MED1: variants seen among roughly 807,000 people sequenced by gnomAD.
MED1 encodes mediator of RNA polymerase II transcription subunit 1.
Under a neutral mutation model 121.3 loss-of-function variants are expected in MED1, and 17 were observed. That is an observed-to-expected ratio of 0.14 (90% CI 0.10 to 0.21). The LOEUF (loss-of-function observed/expected upper bound fraction) is 0.21, where lower values mean the gene tolerates loss of function less well. MED1 is among the 10% of genes least tolerant of loss of function. The pLI, the probability that MED1 is intolerant of heterozygous loss-of-function variation, is 1.00. For synonymous variants in MED1, 661 were observed against 694.4 expected (o/e 0.95, Z 0.76); for missense variants, 1,558 against 1,919.4 (o/e 0.81, Z 3.52).
At position 39,423,838 on chromosome 17, in the gene MED1, G is replaced by A. The variant is rs373257797; in HGVS notation, c.852-17C>T. 2 of 1,591,568 alleles carry A rather than the reference G, an allele frequency of 1.3e-6. No homozygotes were observed. The highest frequency in any genetic ancestry group is 2.2e-5 in the East Asian group (1 of 44,738). On this transcript the variant is annotated splice_polypyrimidine_tract_variant and intron_variant, in intron 11 of 16. Transcript: ENST00000300651. ...GAAGGGGTCCTTCAAAAAAAAGAGG[G>A]TGGAAGGGTTGGATTCTGACTTGAT...
chr17:39,439,025 T>A (rs1040827177), intron 6 of MED1, 140 bp downstream of exon 6: 12 of 713,470 alleles, frequency 1.7e-5, no homozygotes, highest in Non-Finnish European at 2.6e-5. Context: ...AGGACGTGAT[T>A]AAGTATAGAC....
intron 6 of MED1, among the ~76,000 whole-genome samples, chr17:39,436,158 C>T (rs1447999582): frequency 6.6e-6 from 1 of 151,712 alleles, no homozygotes; most frequent in African/African-American, 2.4e-5. Flanking sequence ...GTCAGGAGAT[C>T]GAAACCATCC....
intron 2 of MED1, among the ~76,000 whole-genome samples, chr17:39,445,214 ACT>A (rs768772955): frequency 4.7e-4 from 69 of 147,994 alleles, no homozygotes; most frequent in Non-Finnish European, 8.7e-4. Context: ...GTTGTTGAAA[ACT>A]CTTTTTTTTT....
intron 3 of MED1, among the ~76,000 whole-genome samples, chr17:39,442,291 T>C (rs1347434771): frequency 6.6e-6 from 1 of 151,756 alleles, no homozygotes; most frequent in African/African-American, 2.4e-5. Context: ...TAAAAATCTT[T>C]TTAGAGTTAA....
At chr17:39,438,026 C>A (rs566833878) in intron 6 of MED1, among the ~76,000 whole-genome samples, 28 of 151,700 alleles carry the variant, frequency 1.8e-4, no homozygotes, top group African/African-American at 6.5e-4. Context: ...GACTAGGTAA[C>A]AAGAACAAAA....
intron 2 of MED1, 127 bp downstream of exon 2, chr17:39,447,671 A>G (rs2048741617): frequency 8.2e-6 from 5 of 606,586 alleles, no homozygotes; most frequent in African/African-American, 3.7e-5. Flanking sequence ...ATAGACTCCT[A>G]AAGTTGAAAC....
Position 39,405,558 on chromosome 17 carries a change from A to C in MED1, c.*1917T>G. On this transcript the variant is annotated 3_prime_UTR_variant, in exon 17 of 17. Transcript: ENST00000300651. ...CTGGCTGAATGTCTGAGAGGCTGCT[A>C]CTGTATCAACATCACAAGATAAAGC... 1.5e-6 allele frequency: 2 copies of C among 1,336,014 alleles called. No homozygotes were observed. The highest frequency in any genetic ancestry group is 2.9e-5 in the African/African-American group (2 of 67,970). The allele number at this position is 1,336,014 out of a possible 1,614,324, so 82.8% of individuals were successfully genotyped here. A position where few individuals can be genotyped will look rare whatever the true frequency, so the allele number is the denominator to read the frequency against.
At chr17:39,446,276 C>G (rs1332873341) in intron 2 of MED1, among the ~76,000 whole-genome samples, 1 of 151,148 alleles carries the variant, frequency 6.6e-6, no homozygotes, top group African/African-American at 2.4e-5. Context: ...CGGTGAAACC[C>G]CGTCTCTACT....
intron 10 of MED1, 141 bp downstream of exon 10, chr17:39,427,560 C>G: frequency 1.7e-6 from 1 of 600,796 alleles, no homozygotes. Context: ...CTTGTGAACA[C>G]ACATATACGT....
At position 39,409,961 on chromosome 17, in the gene MED1, G is replaced by T; in HGVS notation, c.2260C>A (p.Gln754Lys). 1 of 1,614,148 alleles carries T rather than the reference G, an allele frequency of 6.2e-7. No individual in the cohort carries two copies. The highest frequency in any genetic ancestry group is 8.5e-7 in the Non-Finnish European group (1 of 1,180,030). The change falls in exon 17 of 17, where the codon CAA (glutamine) becomes AAA (lysine). Residue 754 changes from glutamine (Q) to lysine (K), a missense_variant. By Grantham distance (53) the Gln-to-Lys change is moderately conservative. Around this residue, in one of 5 missense-constraint regions of MED1, gnomAD observed 793 missense variants for 898.2 expected, o/e 0.88. Coordinates refer to ENST00000300651, the MANE Select transcript of MED1 (RefSeq NM_004774.4). The stretch of plus-strand genomic sequence containing the variant: ...CTGGGTTGGGGGTGAGGTACTGGTT[G>T]TGGGTAAGTTGTTGGGGGAGTGCTA... ...QCSTPPTTYP[Q>K]PVPHPQPSIQ... is the part of the protein sequence containing the mutation.
chr17:39,432,453 A>T (rs550950753), intron 7 of MED1, among the ~76,000 whole-genome samples: 16 of 151,954 alleles, frequency 1.1e-4, no homozygotes, highest in South Asian at 2.1e-4. Context: ...ATATATATAT[A>T]TTTTTAAAAA....
intron 3 of MED1, among the ~76,000 whole-genome samples, chr17:39,442,589 A>G (rs7212218): frequency 0.81 from 101,683 of 125,154 alleles, 41,425 homozygotes; most frequent in South Asian, 0.93. Context: ...AGAGTGAGAC[A>G]CCGTCTCGGA....
chr17:39,439,692 C>CT (rs1189035197), intron 5 of MED1, among the ~76,000 whole-genome samples: 1 of 152,004 alleles, frequency 6.6e-6, no homozygotes. Flanking sequence ...AATCCCAACA[C>CT]TTTGGGAGGC....
intron 3 of MED1, among the ~76,000 whole-genome samples, chr17:39,442,905 CAAAAAAAAAAAAAA>C (rs751236293): frequency 5.8e-5 from 1 of 17,358 alleles, no homozygotes; most frequent in Non-Finnish European, 1.3e-4. Flanking sequence ...AACTCCATCT[CAAAAAAAAAAAAAA>C]AAAAAAAAAA....
chr17:39,430,363 G>A (rs749704581), intron 9 of MED1, among the ~76,000 whole-genome samples: 4 of 151,282 alleles, frequency 2.6e-5, no homozygotes, highest in African/African-American at 9.7e-5. Context: ...CCAGCCTGGT[G>A]AGAGCCTGTC....
intron 14 of MED1, 117 bp downstream of exon 14, chr17:39,419,600 G>GAA (rs369221829): frequency 1.5e-3 from 1,223 of 819,752 alleles, no homozygotes; most frequent in Middle Eastern, 3.2e-3. Context: ...TGCCAAATAT[G>GAA]AAAAAAAAAA....
At chr17:39,445,654 T>C (rs1174081794) in intron 2 of MED1, 1 of 152,200 alleles carries the variant, frequency 6.6e-6, no homozygotes, top group Non-Finnish European at 1.5e-5. Flanking sequence ...CCTGGAATCC[T>C]TCTATCTCAC....
rs1029922390 is a variant in MED1 at position 39,404,422 on chromosome 17, T to C, written c.*3053A>G. The stretch of plus-strand genomic sequence containing the variant: ...CCAAAGTATTTACAAAACGGCCATA[T>C]GCACAGAAAACCAAATTTGAAAGAT... On this transcript the variant is annotated 3_prime_UTR_variant, in exon 17 of 17. Transcript: ENST00000300651. 2.6e-5 allele frequency: 4 copies of C among 152,288 alleles called. No homozygotes were observed. Among genetic ancestry groups the C allele is most frequent in the Non-Finnish European group, 5.9e-5 (4 of 68,038 alleles). 9.4% of individuals were successfully genotyped at this position (152,288 alleles called of 1,614,324 possible).
In MED1 at chr17:39,410,033, C is replaced by G. The variant is rs1470759112; in HGVS notation, c.2188G>C (p.Ala730Pro). The G allele has an allele frequency of 6.2e-7, 1 of 1,614,142 alleles. No individual in the cohort carries two copies. The highest frequency in any genetic ancestry group is 1.3e-5 in the African/African-American group (1 of 75,036). Residue 730 changes from alanine to proline, a missense_variant, in exon 17 of 17, where the codon GCT becomes CCT. Transcript: ENST00000300651. ...QNPIFDVNMTADTLDTPHITP... is the reference protein window; with the variant it reads ...QNPIFDVNMTPDTLDTPHITP... The stretch of plus-strand genomic sequence containing the variant: ...ATGTGTGGCGTATCCAGCGTGTCAG[C>G]TGTCATGTTGACATCAAAGATAGGG...
Sources: allele counts gnomAD v4.1 joint callset (sites outside exome capture counted in the v4.1 genomes callset), GRCh38; gene constraint gnomAD v4.1.1; regional missense constraint gnomAD v4.1.1; transcripts MANE v1.5; gene names NCBI Gene and HGNC (gene_info 2026-07-23, HGNC 2026-07-21).